MTSS1: variants seen among roughly 807,000 people sequenced by gnomAD.
The protein encoded by MTSS1 is MTSS I-BAR domain containing 1.
MTSS1 carries 18 observed loss-of-function variants against 79.0 expected under a neutral mutation model. That is an observed-to-expected ratio of 0.23 (90% CI 0.16 to 0.34). The LOEUF is 0.34. Ranked by LOEUF, MTSS1 falls within the 10% of genes least tolerant of loss-of-function variation. The pLI is 1.00. For missense variants in MTSS1, 815 were observed against 986.2 expected, an observed-to-expected ratio of 0.83 and a Z score of 2.33; for synonymous variants, 341 against 368.6, an observed-to-expected ratio of 0.93 and a Z score of 0.86.
chr8:124,711,916 G>GA (rs1304739288), intron 1 of MTSS1, among the ~76,000 whole-genome samples: 1 of 150,942 alleles, frequency 6.6e-6, no homozygotes, highest in African/African-American at 2.4e-5. Context: ...GCTAAGGCAT[G>GA]AAAATCGCTA....
intron 3 of MTSS1, among the ~76,000 whole-genome samples, chr8:124,660,370 G>C (rs542817544): frequency 6.6e-6 from 1 of 151,674 alleles, no homozygotes; most frequent in Non-Finnish European, 1.5e-5. Flanking sequence ...GGCAAGGAAC[G>C]AATGGCACTA....
rs183738661 is a variant in MTSS1, at chr8:124,705,849, T to C, written c.73-1658A>G. Among the ~76,000 whole-genome samples the C allele has an allele frequency of 3.4e-3, 514 of 152,352 alleles. 5 individuals are homozygous for C. The highest frequency in any genetic ancestry group is 0.012 in the African/African-American group (484 of 41,578). On this transcript the variant is annotated intron_variant, in intron 1 of 13. Transcript: ENST00000518547. ...GGCTGTCCTGCACATTTAAGATGTT[T>C]AGCAGTATCGCTATCTTCCATTCAC...
chr8:124,557,446 TC>T (rs1824118018), intron 11 of MTSS1, among the ~76,000 whole-genome samples: 1 of 152,170 alleles, frequency 6.6e-6, no homozygotes. Flanking sequence ...TTGACCAAAG[TC>T]CCCTGAAGGA....
chr8:124,707,933 G>T (rs1244443792), intron 1 of MTSS1, among the ~76,000 whole-genome samples: 1 of 152,192 alleles, frequency 6.6e-6, no homozygotes, highest in African/African-American at 2.4e-5. Context: ...TGCAGAACTG[G>T]CCAGTGGCCT....
Position 124,669,893 on chromosome 8 carries a change from C to T in MTSS1, c.208+29633G>A, listed in dbSNP as rs28449265. 8.0e-3 allele frequency among the ~76,000 whole-genome samples: 1,217 copies of T among 152,296 alleles called. 5 individuals are homozygous for T. The highest frequency in any genetic ancestry group is 0.011 in the Non-Finnish European group (775 of 68,030). ...TGCTCTACTAATAGCATCCAAATAT[C>T]TCTGCAGTAGGATGTGTCTGCAAGC... On this transcript the variant is annotated intron_variant, in intron 3 of 13. Coordinates refer to ENST00000518547, the MANE Select transcript of MTSS1 (RefSeq NM_014751.6).
intron 1 of MTSS1, among the ~76,000 whole-genome samples, chr8:124,722,278 G>GC (rs1833062658): frequency 6.6e-6 from 1 of 152,172 alleles, no homozygotes; most frequent in South Asian, 2.1e-4. Flanking sequence ...CCCTTGTCCA[G>GC]CCCCCAGAGA....
intron 3 of MTSS1, among the ~76,000 whole-genome samples, chr8:124,632,404 T>A (rs1816164398): frequency 6.6e-6 from 1 of 151,932 alleles, no homozygotes; most frequent in African/African-American, 2.4e-5. Context: ...ATTCCAGTGC[T>A]TTGGGAGGCC....
chr8:124,611,437 C>T (rs995749050), intron 3 of MTSS1, among the ~76,000 whole-genome samples: 1 of 152,164 alleles, frequency 6.6e-6, no homozygotes, highest in Non-Finnish European at 1.5e-5. Context: ...AACACACGAC[C>T]TCCAGCTGTC....
At chr8:124,720,315 T>C (rs562918665) in intron 1 of MTSS1, among the ~76,000 whole-genome samples, 1 of 152,222 alleles carries the variant, frequency 6.6e-6, no homozygotes, top group East Asian at 1.9e-4. Flanking sequence ...AAGGCAGGAC[T>C]GCCACATTCG....
chr8:124,634,353 C>T (rs1391712315), intron 3 of MTSS1, among the ~76,000 whole-genome samples: 1 of 151,650 alleles, frequency 6.6e-6, no homozygotes, highest in African/African-American at 2.4e-5. Context: ...CACCACATTG[C>T]CCAGGCTGGT....
chr8:124,601,395 A>C (rs930404528), intron 3 of MTSS1, among the ~76,000 whole-genome samples: 2 of 152,138 alleles, frequency 1.3e-5, no homozygotes, highest in Non-Finnish European at 2.9e-5. Context: ...TTCAGAGCTC[A>C]CAACAGTTGC....
At chr8:124,657,471 T>A in intron 3 of MTSS1, among the ~76,000 whole-genome samples, 1 of 131,076 alleles carries the variant, frequency 7.6e-6, no homozygotes, top group South Asian at 2.4e-4. Context: ...AAAGGCAGAG[T>A]CAGCAAAAAA....
chr8:124,668,638 A>G (rs1349839905), intron 3 of MTSS1, among the ~76,000 whole-genome samples: 3 of 152,210 alleles, frequency 2.0e-5, no homozygotes, highest in Non-Finnish European at 4.4e-5. Flanking sequence ...GGGAAAATTC[A>G]TACCTCTGAA....
At position 124,581,279 on chromosome 8, in the gene MTSS1, T is replaced by G. The variant is rs571525976; in HGVS notation, c.460+3808A>C. 1.9e-3 allele frequency among the ~76,000 whole-genome samples: 233 copies of G among 125,822 alleles called. 1 individual carries two copies. The highest frequency in any genetic ancestry group is 7.2e-3 in the African/African-American group (223 of 30,864). 82.5% of individuals were successfully genotyped at this position (125,822 alleles called of 152,430 possible). A position where few individuals can be genotyped will look rare whatever the true frequency, so the allele number is the denominator to read the frequency against. Reference sequence around the variant, plus strand: ...GGTCAGCCTAGGCCACCTAGTGAGATGCTGACTCAAAAAAAAAAAAAAAAA... The same window carrying G: ...GGTCAGCCTAGGCCACCTAGTGAGAGGCTGACTCAAAAAAAAAAAAAAAAA... On this transcript the variant is annotated intron_variant, in intron 6 of 13. Transcript: ENST00000518547.
chr8:124,563,121 C>T, intron 9 of MTSS1, 129 bp from the exon 10 acceptor site: 1 of 767,832 alleles, frequency 1.3e-6, no homozygotes. Flanking sequence ...ATGCAATTAG[C>T]TCTCTGCCCT....
At chr8:124,645,848 A>C (rs1402935467) in intron 3 of MTSS1, among the ~76,000 whole-genome samples, 3 of 152,170 alleles carry the variant, frequency 2.0e-5, no homozygotes, top group Non-Finnish European at 4.4e-5. Context: ...TCCTCGGCTT[A>C]AGTGGTGACA....
chr8:124,596,206 T>C (rs540240075), intron 3 of MTSS1, among the ~76,000 whole-genome samples: 1 of 152,296 alleles, frequency 6.6e-6, no homozygotes, highest in Admixed American at 6.5e-5. Flanking sequence ...TTAGAGCCAC[T>C]TTGATTTGGT....
intron 3 of MTSS1, among the ~76,000 whole-genome samples, chr8:124,640,702 C>G (rs983828247): frequency 2.0e-5 from 3 of 152,078 alleles, no homozygotes; most frequent in African/African-American, 7.2e-5. Flanking sequence ...CGCCCCCATG[C>G]CCGGCTAATT....
At chr8:124,721,009 C>T (rs926556741) in intron 1 of MTSS1, among the ~76,000 whole-genome samples, 37 of 152,252 alleles carry the variant, frequency 2.4e-4, no homozygotes, top group African/African-American at 8.9e-4. Flanking sequence ...AAGGTCAACT[C>T]TAGCTCCAGA....
Sources: gnomAD v4.1 joint callset for allele counts (sites outside exome capture counted in the v4.1 genomes callset) on GRCh38, gnomAD v4.1.1 for gene constraint, MANE v1.5 for transcripts, NCBI Gene and HGNC (gene_info 2026-07-23, HGNC 2026-07-21) for gene names.